The following USP6 variants were observed in gnomAD, a reference collection of about 807,000 sequenced individuals.
The protein encoded by USP6 is ubiquitin specific peptidase 6, also known as ubiquitin carboxyl-terminal hydrolase 6.
Under a neutral mutation model 175.7 loss-of-function variants are expected in USP6, and 128 were observed. That is an observed-to-expected ratio of 0.73 (90% CI 0.63 to 0.84). The LOEUF is 0.84. Among genes scored for constraint, USP6 ranks in the 40% least tolerant of loss-of-function variants. The pLI is 0.00. For missense variants in USP6, 1,498 were observed against 1,760.3 expected (o/e 0.85, Z 2.67); for synonymous variants, 562 against 630.6 (o/e 0.89, Z 1.63).
At chr17:5,119,099 A>G (rs1191626800) in intron 2 of USP6, among the ~76,000 whole-genome samples, 2 of 152,184 alleles carry the variant, frequency 1.3e-5, no homozygotes, top group Non-Finnish European at 2.9e-5. Context: ...CTCTATCACT[A>G]TCAAGTATTT....
chr17:5,136,061 G>C, intron 17 of USP6, 133 bp downstream of exon 17: 3 of 1,508,414 alleles, frequency 2.0e-6, no homozygotes, highest in Non-Finnish European at 2.7e-6. Flanking sequence ...GGACGTCTCT[G>C]CTGAGGGTCC....
At chr17:5,136,211 C>T (rs1259083034) in intron 17 of USP6, among the ~76,000 whole-genome samples, 3 of 152,230 alleles carry the variant, frequency 2.0e-5, no homozygotes, top group Admixed American at 1.3e-4. Flanking sequence ...TCAGCTGACT[C>T]TCCCCTCCCT....
At chr17:5,146,993 TA>T in intron 28 of USP6, 89 bp from the exon 29 acceptor site, 1 of 1,316,012 alleles carries the variant, frequency 7.6e-7, no homozygotes, top group Non-Finnish European at 1.0e-6. Context: ...TGAAAGGACC[TA>T]AGACATTCTT....
At chr17:5,153,436 G>A (rs1411947183) in intron 30 of USP6, among the ~76,000 whole-genome samples, 1 of 151,726 alleles carries the variant, frequency 6.6e-6, no homozygotes, top group African/African-American at 2.4e-5. Flanking sequence ...ACAGGCATGC[G>A]CCACCACGCC....
chr17:5,120,909 G>C (rs2072641186), intron 3 of USP6, 121 bp downstream of exon 3: 1 of 454,530 alleles, frequency 2.2e-6, no homozygotes, highest in South Asian at 1.6e-5. Flanking sequence ...GAAACCAGTT[G>C]GACCAGCCCC....
At chr17:5,155,276 A>G (rs556316325) in intron 30 of USP6, 146 bp from the exon 31 acceptor site, 18 of 1,009,546 alleles carry the variant, frequency 1.8e-5, no homozygotes, top group Admixed American at 1.5e-4. Context: ...TTGTGTCAAT[A>G]AAGATGGTTT....
rs1432549708 is a variant in USP6 at position 5,174,379 on chromosome 17, T to A, written c.*1401T>A. On this transcript the variant is annotated 3_prime_UTR_variant, in exon 38 of 38. Coordinates refer to ENST00000574788, the MANE Select transcript of USP6 (RefSeq NM_001304284.2). ...CCCTTTCTTCCTCATAGGTAGTAAT[T>A]ACCAATGTAACTAAGCATTTGTGTT... is the stretch of plus-strand genomic sequence containing the variant. 9 of 190,860 alleles carry A rather than the reference T, an allele frequency of 4.7e-5. No individual in the cohort carries two copies. The highest frequency in any genetic ancestry group is 6.6e-5 in the Non-Finnish European group (6 of 90,952). The allele number at this position is 190,860 out of a possible 1,614,324, so 11.8% of individuals were successfully genotyped here.
intron 37 of USP6, among the ~76,000 whole-genome samples, chr17:5,172,310 T>C (rs1366665838): frequency 6.6e-6 from 1 of 151,838 alleles, no homozygotes; most frequent in African/African-American, 2.4e-5. Context: ...GGTGGGCGGA[T>C]CATGAGGTCA....
chr17:5,146,792 G>A (rs1358559064), intron 28 of USP6, among the ~76,000 whole-genome samples: 1 of 152,074 alleles, frequency 6.6e-6, no homozygotes, highest in African/African-American at 2.4e-5. Flanking sequence ...CAACAATGGC[G>A]TCTCTGAGGG....
intron 3 of USP6, 96 bp downstream of exon 3, chr17:5,120,884 G>C (rs974313692): frequency 2.2e-6 from 1 of 454,466 alleles, no homozygotes; most frequent in Non-Finnish European, 4.4e-6. Context: ...GGCTGTCCCA[G>C]TTGGAAGGAC....
intron 4 of USP6, among the ~76,000 whole-genome samples, chr17:5,122,688 A>G (rs1369104920): frequency 6.6e-5 from 10 of 152,152 alleles, no homozygotes; most frequent in Non-Finnish European, 1.5e-4. Flanking sequence ...GAACAAAAGC[A>G]GCTGCCCGCG....
At chr17:5,170,038 G>A (rs757246991) in intron 35 of USP6, among the ~76,000 whole-genome samples, 2 of 152,210 alleles carry the variant, frequency 1.3e-5, no homozygotes, top group Non-Finnish European at 2.9e-5. Flanking sequence ...CAGGATTTTT[G>A]TGAGACACAG....
In USP6 at chr17:5,132,193, T is replaced by C. The variant is rs769592003; in HGVS notation, c.156-203T>C. On this transcript the variant is annotated intron_variant, in intron 11 of 37. Transcript: ENST00000574788. This position sits in a 1 kb window ranked among gnomAD's most constrained non-coding sequence, Gnocchi z 4.7. ...CCAGTAACCCCAGCCAGGCTGTCCC[T>C]GCACTCCTTCTTCTCCCAGGTCCTG... 2.0e-6 allele frequency: 3 copies of C among 1,536,650 alleles called. No homozygotes were observed. The highest frequency in any genetic ancestry group is 2.4e-5 in the South Asian group (2 of 84,348).
chr17:5,171,669 G>C lies in USP6; in HGVS notation c.4037G>C (p.Ser1346Thr), dbSNP rs779028450. The part of the protein sequence containing the change: ...PNCKWYCYND[S>T]SCEELHPDEI... ...TGCAAGTGGTACTGTTATAATGACA[G>C]CAGCTGTGAGGTAAACATTCTCAAT... Residue 1346 changes from serine (S) to threonine (T), a missense_variant, in exon 37 of 38, where the codon AGC becomes ACC. Physicochemically the swap from Ser to Thr is moderately conservative, Grantham distance 58. Around this residue, in one of 2 missense-constraint regions of USP6, gnomAD observed 1,217 missense variants for 1,500.8 expected, o/e 0.81. Transcript: ENST00000574788. The C allele has an allele frequency of 6.8e-6, 11 of 1,613,630 alleles. No homozygotes were observed. In the South Asian group the frequency reaches 1.1e-4, roughly 16 times the overall value.
intron 20 of USP6, 21 bp from the exon 21 acceptor site, chr17:5,138,100 T>A: frequency 6.2e-7 from 1 of 1,613,950 alleles, no homozygotes; most frequent in Non-Finnish European, 8.5e-7. Flanking sequence ...TCTCCTGGCC[T>A]GATATCCACC....
intron 4 of USP6, among the ~76,000 whole-genome samples, chr17:5,122,415 A>G (rs1394585930): frequency 6.6e-6 from 1 of 152,182 alleles, no homozygotes; most frequent in African/African-American, 2.4e-5. Context: ...TTCAGCTGGC[A>G]GTATCCTGGA....
intron 4 of USP6, among the ~76,000 whole-genome samples, chr17:5,122,734 G>A (rs2143739943): frequency 6.6e-6 from 1 of 152,348 alleles, no homozygotes; most frequent in East Asian, 1.9e-4. Flanking sequence ...CCCGGAAATG[G>A]GACACCCGCA....
intron 7 of USP6, among the ~76,000 whole-genome samples, chr17:5,128,121 G>T (rs2072948653): frequency 6.6e-6 from 1 of 152,198 alleles, no homozygotes; most frequent in South Asian, 2.1e-4. Flanking sequence ...GGCAGACTAA[G>T]CCCAGGTCAA....
intron 30 of USP6, among the ~76,000 whole-genome samples, chr17:5,155,126 T>C (rs1453508369): frequency 6.6e-6 from 1 of 152,202 alleles, no homozygotes; most frequent in Non-Finnish European, 1.5e-5. Flanking sequence ...TGTGATTCAG[T>C]GTATGTGAGA....
Sources: allele counts gnomAD v4.1 joint callset (sites outside exome capture counted in the v4.1 genomes callset), GRCh38; gene constraint gnomAD v4.1.1; regional missense constraint gnomAD v4.1.1; non-coding constraint Gnocchi (gnomAD v3.1); transcripts MANE v1.5; gene names NCBI Gene and HGNC (gene_info 2026-07-23, HGNC 2026-07-21).